Variants in SPOCK1 observed in about 807,000 individuals in gnomAD.
SPOCK1 encodes testican-1.
A neutral mutation model predicts 55.3 loss-of-function variants in SPOCK1; 23 were observed. The ratio of observed to expected loss-of-function variants is 0.42; its 90% CI spans 0.30 to 0.59. The LOEUF is 0.59. Among genes scored for constraint, SPOCK1 ranks in the 20% least tolerant of loss-of-function variants. The pLI is 0.22. For missense variants in SPOCK1, 499 were observed against 552.5 expected (o/e 0.90, Z 0.97); for synonymous variants, 226 against 221.0 (o/e 1.02, Z -0.20).
chr5:137,038,114 G>C, intron 6 of SPOCK1, among the ~76,000 whole-genome samples: 1 of 152,210 alleles, frequency 6.6e-6, no homozygotes, highest in East Asian at 1.9e-4. Flanking sequence ...ATGGATTGAA[G>C]AAAGAAATGC....
intron 6 of SPOCK1, among the ~76,000 whole-genome samples, chr5:137,006,756 G>C (rs1204365507): frequency 6.6e-6 from 1 of 152,162 alleles, no homozygotes; most frequent in African/African-American, 2.4e-5. Flanking sequence ...TGGTGAGATA[G>C]GGCATCCTTG....
intron 3 of SPOCK1, among the ~76,000 whole-genome samples, chr5:137,205,075 GT>G (rs1755495217): frequency 6.6e-6 from 1 of 152,154 alleles, no homozygotes; most frequent in Admixed American, 6.5e-5. Context: ...TTCTTTACAA[GT>G]TTGCTGAAGT....
intron 3 of SPOCK1, among the ~76,000 whole-genome samples, chr5:137,222,012 A>G (rs2127088180): frequency 6.6e-6 from 1 of 152,308 alleles, no homozygotes; most frequent in Non-Finnish European, 1.5e-5. Flanking sequence ...CTTCTTTAAC[A>G]CACCAATTGT....
chr5:137,296,933 A>G (rs533454745), intron 2 of SPOCK1, among the ~76,000 whole-genome samples: 1 of 152,334 alleles, frequency 6.6e-6, no homozygotes, highest in African/African-American at 2.4e-5. Flanking sequence ...ATGAACTGCA[A>G]TGTACTTTGC....
chr5:137,305,652 G>A (rs1757689316), intron 2 of SPOCK1, among the ~76,000 whole-genome samples: 1 of 152,170 alleles, frequency 6.6e-6, no homozygotes, highest in Non-Finnish European at 1.5e-5. Flanking sequence ...ATTTAATTAT[G>A]ATCTCCGCTG....
intron 4 of SPOCK1, among the ~76,000 whole-genome samples, chr5:137,116,284 T>C (rs17170977): frequency 0.017 from 2,542 of 152,274 alleles, 91 homozygotes; most frequent in African/African-American, 0.059. Flanking sequence ...ATTCCCAGCA[T>C]TATGTTTGTG....
intron 2 of SPOCK1, among the ~76,000 whole-genome samples, chr5:137,421,685 G>A (rs1189164862): frequency 6.6e-6 from 1 of 152,148 alleles, no homozygotes; most frequent in Non-Finnish European, 1.5e-5. Context: ...TTGAGCCTAT[G>A]TGTGTCTCTG....
intron 2 of SPOCK1, among the ~76,000 whole-genome samples, chr5:137,359,045 A>G (rs1364402976): frequency 6.6e-6 from 1 of 152,228 alleles, no homozygotes; most frequent in Non-Finnish European, 1.5e-5. Context: ...CCTCAAAGGG[A>G]GTCTAAATAA....
chr5:137,157,818 G>C (rs184547082), intron 3 of SPOCK1, among the ~76,000 whole-genome samples: 1 of 152,170 alleles, frequency 6.6e-6, no homozygotes, highest in Non-Finnish European at 1.5e-5. Context: ...CCAGCACTTC[G>C]GGAGACCGAG....
intron 2 of SPOCK1, among the ~76,000 whole-genome samples, chr5:137,322,965 CAA>C (rs1758005242): frequency 6.6e-6 from 1 of 152,008 alleles, no homozygotes. Flanking sequence ...GGTAGAAGAG[CAA>C]GAGAGAGAGA....
intron 2 of SPOCK1, among the ~76,000 whole-genome samples, chr5:137,430,336 C>G (rs534825382): frequency 6.6e-6 from 1 of 152,234 alleles, no homozygotes; most frequent in Non-Finnish European, 1.5e-5. Context: ...CACCCCAGCT[C>G]ATACTCCGCA....
chr5:137,015,758 T>A (rs540622448), intron 6 of SPOCK1, among the ~76,000 whole-genome samples: 3 of 152,266 alleles, frequency 2.0e-5, no homozygotes, highest in Admixed American at 2.0e-4. Context: ...AGGTGACAGA[T>A]TTGTTCTGAG....
intron 3 of SPOCK1, among the ~76,000 whole-genome samples, chr5:137,238,021 A>G (rs920427288): frequency 6.6e-6 from 1 of 152,212 alleles, no homozygotes; most frequent in African/African-American, 2.4e-5. Context: ...TCTAGATTTA[A>G]AGTGTGATTC....
intron 2 of SPOCK1, among the ~76,000 whole-genome samples, chr5:137,286,349 C>T (rs1035849720): frequency 1.3e-5 from 2 of 152,134 alleles, no homozygotes; most frequent in Non-Finnish European, 2.9e-5. Context: ...ACTAATGTTT[C>T]TTGAACATCT....
intron 2 of SPOCK1, among the ~76,000 whole-genome samples, chr5:137,367,291 G>C (rs574848626): frequency 4.6e-5 from 7 of 152,134 alleles, no homozygotes; most frequent in Non-Finnish European, 8.8e-5. Context: ...TGGACTCTCC[G>C]TAAGCCTTTA....
intron 3 of SPOCK1, among the ~76,000 whole-genome samples, chr5:137,167,306 C>T (rs574467682): frequency 6.6e-6 from 1 of 152,062 alleles, no homozygotes; most frequent in Non-Finnish European, 1.5e-5. Context: ...AACTGGAGCA[C>T]CCAGATATAT....
chr5:137,133,188 C>T (rs995384728), intron 4 of SPOCK1, among the ~76,000 whole-genome samples: 4 of 151,812 alleles, frequency 2.6e-5, no homozygotes, highest in East Asian at 3.9e-4. Context: ...GCTAACACAG[C>T]GAAACCCCAC....
intron 5 of SPOCK1, among the ~76,000 whole-genome samples, chr5:137,079,729 C>T (rs1364727833): frequency 6.6e-6 from 1 of 152,096 alleles, no homozygotes; most frequent in East Asian, 1.9e-4. Flanking sequence ...CTTCCTCCTC[C>T]CCGTCCCTGC....
chr5:137,121,866 T>C (rs1580761747), intron 4 of SPOCK1, among the ~76,000 whole-genome samples: 2 of 146,550 alleles, frequency 1.4e-5, no homozygotes, highest in East Asian at 3.9e-4. Flanking sequence ...TTTAAATATA[T>C]AATATATAAT....
Sources: gnomAD v4.1 joint callset for allele counts (sites outside exome capture counted in the v4.1 genomes callset) on GRCh38, gnomAD v4.1.1 for gene constraint, MANE v1.5 for transcripts, NCBI Gene and HGNC (gene_info 2026-07-23, HGNC 2026-07-21) for gene names.